Variants in ZNF407 observed in about 807,000 individuals in gnomAD.
ZNF407 encodes the protein zinc finger protein 407.
ZNF407 carries 17 observed loss-of-function variants against 131.2 expected under a neutral mutation model. The observed-to-expected ratio is 0.13, with a 90% CI of 0.09 to 0.19. The LOEUF (loss-of-function observed/expected upper bound fraction) is 0.19, where lower values mean the gene tolerates loss of function less well. ZNF407 is among the 10% of genes least tolerant of loss of function. ZNF407 has a pLI of 1.00. For missense variants in ZNF407, 2,681 were observed against 2,830.6 expected, an observed-to-expected ratio of 0.95 and a Z score of 1.20; for synonymous variants, 1,156 against 1,062.0, an observed-to-expected ratio of 1.09 and a Z score of -1.72.
At chr18:75,062,218 A>G (rs926319961) in intron 8 of ZNF407, 9 of 152,184 alleles carry the variant, frequency 5.9e-5, no homozygotes, top group African/African-American at 2.2e-4. Context: ...TGTCCTGAAG[A>G]CAGGGCTACA....
intron 3 of ZNF407, among the ~76,000 whole-genome samples, chr18:74,670,347 A>G (rs1476672034): frequency 6.6e-6 from 1 of 152,222 alleles, no homozygotes; most frequent in Admixed American, 6.5e-5. Flanking sequence ...TTAATGTAGC[A>G]TATAAATAAG....
chr18:74,779,790 C>T (rs535733062), intron 3 of ZNF407, among the ~76,000 whole-genome samples: 1 of 152,166 alleles, frequency 6.6e-6, no homozygotes, highest in Non-Finnish European at 1.5e-5. Context: ...ACTGTGGATT[C>T]TAAGTTCCCA....
At chr18:74,762,270 G>A (rs1157483046) in intron 3 of ZNF407, among the ~76,000 whole-genome samples, 2 of 151,920 alleles carry the variant, frequency 1.3e-5, no homozygotes, top group East Asian at 1.9e-4. Flanking sequence ...AATTAATAAA[G>A]CAAAAAGGTA....
chr18:74,749,495 A>G (rs186322760), intron 3 of ZNF407, among the ~76,000 whole-genome samples: 1 of 152,300 alleles, frequency 6.6e-6, no homozygotes, highest in Non-Finnish European at 1.5e-5. Context: ...GTAGATGATC[A>G]TAAAACCTAA....
chr18:75,034,291 CTG>C (rs1198515602), intron 8 of ZNF407, among the ~76,000 whole-genome samples: 1 of 142,852 alleles, frequency 7.0e-6, no homozygotes, highest in African/African-American at 2.6e-5. Context: ...TCTCTTTTCT[CTG>C]TGTTGGGTTT....
rs115632833 is a variant in ZNF407, at chr18:74,773,580, T to C, written c.4803-7848T>C. The stretch of plus-strand genomic sequence containing the variant: ...GAAGTAGTAAGTAACACCTTTACAC[T>C]AAAGTTTTATGCGAATAATTGTTTG... On this transcript the variant is annotated intron_variant, in intron 3 of 8. Coordinates refer to ENST00000299687, the MANE Select transcript of ZNF407 (RefSeq NM_017757.3). Among the ~76,000 whole-genome samples, 482 of 152,344 alleles carry C rather than the reference T, an allele frequency of 3.2e-3. 5 individuals carry two copies. Among genetic ancestry groups the C allele is most frequent in the Middle Eastern group, 0.017 (5 of 294 alleles).
intron 8 of ZNF407, among the ~76,000 whole-genome samples, chr18:74,977,944 T>A (rs1186310103): frequency 2.0e-5 from 3 of 152,378 alleles, no homozygotes; most frequent in South Asian, 4.1e-4. Flanking sequence ...CAAGTTTACA[T>A]GAAATTTGCA....
chr18:74,816,699 GTAT>G (rs1456538304), intron 4 of ZNF407, among the ~76,000 whole-genome samples: 11 of 152,266 alleles, frequency 7.2e-5, no homozygotes, highest in Admixed American at 5.9e-4. Context: ...AATACACAAA[GTAT>G]TATTCTAATA....
intron 8 of ZNF407, among the ~76,000 whole-genome samples, chr18:74,927,308 C>T (rs1971927232): frequency 6.6e-6 from 1 of 152,190 alleles, no homozygotes; most frequent in African/African-American, 2.4e-5. Flanking sequence ...TGTACAGGAG[C>T]TTTAAAATAA....
chr18:74,786,797 T>G (rs952173185), intron 4 of ZNF407, among the ~76,000 whole-genome samples: 37 of 99,752 alleles, frequency 3.7e-4, no homozygotes, highest in African/African-American at 2.0e-3. Flanking sequence ...AAGTATGTTT[T>G]TTTTTTTTTT....
chr18:75,029,617 C>A (rs921587104), intron 8 of ZNF407, among the ~76,000 whole-genome samples: 5 of 150,310 alleles, frequency 3.3e-5, no homozygotes, highest in African/African-American at 9.9e-5. Context: ...GTGTGTGTGC[C>A]TGGGTGTGCG....
At chr18:74,967,724 G>A (rs1972424996) in intron 8 of ZNF407, among the ~76,000 whole-genome samples, 1 of 152,184 alleles carries the variant, frequency 6.6e-6, no homozygotes, top group Non-Finnish European at 1.5e-5. Context: ...AGAAGTGAAA[G>A]TCATGTTCAA....
intron 8 of ZNF407, among the ~76,000 whole-genome samples, chr18:74,997,343 G>C (rs979018486): frequency 6.6e-6 from 1 of 152,126 alleles, no homozygotes; most frequent in Non-Finnish European, 1.5e-5. Context: ...TTCACAATTA[G>C]GGGCCTCTCG....
chr18:74,963,338 T>TCAA (rs1972370543), intron 8 of ZNF407, among the ~76,000 whole-genome samples: 1 of 152,196 alleles, frequency 6.6e-6, no homozygotes, highest in African/African-American at 2.4e-5. Context: ...ACTTTGGAAG[T>TCAA]GATTACTTAT....
chr18:74,756,513 T>C (rs2144961779), intron 3 of ZNF407, among the ~76,000 whole-genome samples: 1 of 152,346 alleles, frequency 6.6e-6, no homozygotes, highest in East Asian at 1.9e-4. Context: ...AAGTTTTCAA[T>C]GTATGTCTTC....
At chr18:74,764,394 G>A (rs965482778) in intron 3 of ZNF407, among the ~76,000 whole-genome samples, 7 of 151,980 alleles carry the variant, frequency 4.6e-5, no homozygotes, top group Non-Finnish European at 1.0e-4. Context: ...TATCTCATGT[G>A]TTTTATTTCT....
rs1040380533 is a variant in ZNF407, at chr18:75,020,973, G to C, written c.5429-42177G>C. ...ATTACTGATTGCTCACTGTGCTCCA[G>C]ACCAGACACTGAGCCCGGAGGCTTT... is the stretch of plus-strand genomic sequence containing the variant. On this transcript the variant is annotated intron_variant, in intron 8 of 8. Transcript: ENST00000299687. 1.2e-4 allele frequency among the ~76,000 whole-genome samples: 18 copies of C among 152,234 alleles called. 1 individual carries two copies. The highest frequency in any genetic ancestry group is 9.8e-4 in the Admixed American group (15 of 15,298).
At chr18:74,810,412 G>T (rs1970177715) in intron 4 of ZNF407, among the ~76,000 whole-genome samples, 1 of 151,604 alleles carries the variant, frequency 6.6e-6, no homozygotes, top group South Asian at 2.1e-4. Context: ...GATCATGTAG[G>T]ATTCTGCTGT....
intron 8 of ZNF407, among the ~76,000 whole-genome samples, chr18:74,961,236 A>G (rs1218926305): frequency 1.3e-5 from 2 of 152,200 alleles, no homozygotes; most frequent in Non-Finnish European, 2.9e-5. Context: ...TAATTCTCAC[A>G]GTAAGTCTTT....
Sources: allele counts gnomAD v4.1 joint callset (sites outside exome capture counted in the v4.1 genomes callset), GRCh38; gene constraint gnomAD v4.1.1; transcripts MANE v1.5; gene names NCBI Gene and HGNC (gene_info 2026-07-23, HGNC 2026-07-21).